The following DMC1 variants were observed in gnomAD, a reference collection of about 807,000 sequenced individuals.
DMC1 encodes DNA meiotic recombinase 1, also known as meiotic recombination protein DMC1 homolog.
A neutral mutation model predicts 50.1 loss-of-function variants in DMC1; 27 were observed. The observed-to-expected ratio is 0.54, with a 90% CI of 0.40 to 0.74. DMC1 has a LOEUF of 0.74. DMC1 is among the 30% of genes least tolerant of loss of function. The pLI, the probability that DMC1 is intolerant of heterozygous loss-of-function variation, is 0.00. For missense variants in DMC1, 295 were observed against 420.2 expected, an observed-to-expected ratio of 0.70 and a Z score of 2.60; for synonymous variants, 148 against 136.1, an observed-to-expected ratio of 1.09 and a Z score of -0.61.
At chr22:38,567,435 T>A in intron 3 of DMC1, 148 bp downstream of exon 3, 1 of 719,878 alleles carries the variant, frequency 1.4e-6, no homozygotes. Context: ...ATGCAGTGAG[T>A]GAGTAGAGGC....
chr22:38,559,504 G>A (rs989510404), intron 5 of DMC1, among the ~76,000 whole-genome samples: 17 of 152,126 alleles, frequency 1.1e-4, no homozygotes, highest in African/African-American at 4.1e-4. Context: ...GGATTTCACA[G>A]GCTAGTGTGC....
intron 5 of DMC1, among the ~76,000 whole-genome samples, chr22:38,557,434 G>A (rs1243422909): frequency 6.6e-6 from 1 of 152,114 alleles, no homozygotes; most frequent in Admixed American, 6.6e-5. Context: ...ATATGGGCAT[G>A]GTGGCTCATG....
rs2090029518 is a variant in DMC1, at chr22:38,521,656, C to T, written c.905G>A (p.Ser302Asn). The T allele has an allele frequency of 6.2e-7, 1 of 1,613,610 alleles. No homozygotes were observed. The highest frequency in any genetic ancestry group is 8.5e-7 in the Non-Finnish European group (1 of 1,179,804). The change falls in exon 13 of 14, where the codon AGC (serine) becomes AAC (asparagine). Residue 302 changes from serine to asparagine, a missense_variant. Coordinates refer to ENST00000216024, the MANE Select transcript of DMC1 (RefSeq NM_007068.4). ...GAGCTCTCCTCTTCCCTTTCGCAAGCTTATTCTTGTTGTTGAAGCATGAGC... is the reference window on the plus strand; with the variant it reads ...GAGCTCTCCTCTTCCCTTTCGCAAGTTTATTCTTGTTGTTGAAGCATGAGC... ...ILAHASTTRI[S>N]LRKGRGELRI...
intron 5 of DMC1, among the ~76,000 whole-genome samples, chr22:38,558,053 C>T (rs2145978167): frequency 6.8e-6 from 1 of 146,654 alleles, no homozygotes; most frequent in South Asian, 2.2e-4. Context: ...ACCTCTGCCT[C>T]CTGGATTCAA....
Position 38,566,669 on chromosome 22 carries a change from G to C in DMC1, c.164C>G (p.Thr55Arg). Residue 55 changes from threonine to arginine, a missense_variant, in exon 4 of 14, where the codon ACA (threonine) becomes AGA (arginine). Transcript: ENST00000216024. ...TTTGACATTGCATAGAGCTCTTCTT[G>C]TTGTCATCTGTATACCTTTGATGGT... is the stretch of plus-strand genomic sequence containing the variant. ...ICTIKGIQMT[T>R]RRALCNVKGL... 1 of 1,613,592 alleles carries C rather than the reference G, an allele frequency of 6.2e-7. No homozygotes were observed. Among genetic ancestry groups the C allele is most frequent in the Non-Finnish European group, 8.5e-7 (1 of 1,179,530 alleles).
rs377726457 is a variant in DMC1 at position 38,539,281 on chromosome 22, C to T, written c.586+40G>A. On this transcript the variant is annotated intron_variant, in intron 9 of 13. Transcript: ENST00000216024. ...CAAGTAGTAAATCAGTGCTGCCAACCTTACATTGACCCAAGCATCCAACTG... is the reference window on the plus strand; with the variant it reads ...CAAGTAGTAAATCAGTGCTGCCAACTTTACATTGACCCAAGCATCCAACTG... 8 of 1,454,784 alleles carry T rather than the reference C, an allele frequency of 5.5e-6. No homozygotes were observed. The African/African-American group carries it at 8.4e-5, about 15-fold the overall frequency. 90.1% of individuals were successfully genotyped at this position (1,454,784 alleles called of 1,614,324 possible).
At chr22:38,513,138 C>T in the DMC1 span, among the ~76,000 whole-genome samples, 1 of 151,678 alleles carries the variant, frequency 6.6e-6, no homozygotes, top group Admixed American at 6.6e-5. Flanking sequence ...ACTGCAGAAA[C>T]AGCCTGGGCA....
intron 13 of DMC1, among the ~76,000 whole-genome samples, chr22:38,520,388 G>T (rs753146481): frequency 1.3e-5 from 2 of 150,356 alleles, no homozygotes; most frequent in Non-Finnish European, 3.0e-5. Context: ...TTTTTTTGGC[G>T]AAGTCTTGCT....
chr22:38,539,720 A>G (rs567149124), intron 8 of DMC1, among the ~76,000 whole-genome samples: 1 of 152,350 alleles, frequency 6.6e-6, no homozygotes, highest in Non-Finnish European at 1.5e-5. Context: ...ACATTTTACA[A>G]CGTAAGACAC....
intron 4 of DMC1, among the ~76,000 whole-genome samples, chr22:38,565,793 C>T (rs2090575362): frequency 1.3e-5 from 2 of 152,214 alleles, no homozygotes; most frequent in African/African-American, 4.8e-5. Context: ...CTCAACTGCA[C>T]ATATGTAGAC....
intron 12 of DMC1, among the ~76,000 whole-genome samples, chr22:38,531,541 G>A (rs1569156125): frequency 6.6e-6 from 1 of 152,036 alleles, no homozygotes; most frequent in Non-Finnish European, 1.5e-5. Context: ...TTTTCTTTAT[G>A]GGAGGTTTCC....
At chr22:38,557,956 C>CTTTTTTTTTTGTTT (rs2090484787) in intron 5 of DMC1, among the ~76,000 whole-genome samples, 1 of 62,714 alleles carries the variant, frequency 1.6e-5, no homozygotes, top group Non-Finnish European at 3.0e-5. Context: ...AGACAAAGTT[C>CTTTTTTTTTTGTTT]TTTTTTTTTT....
intron 5 of DMC1, 84 bp downstream of exon 5, chr22:38,562,203 A>AAG: frequency 1.1e-6 from 1 of 901,078 alleles, no homozygotes; most frequent in Non-Finnish European, 1.8e-6. Context: ...TCTACTACTT[A>AAG]TAGTAGAAGT....
At chr22:38,509,286 C>G in the DMC1 span, among the ~76,000 whole-genome samples, 9 of 152,026 alleles carry the variant, frequency 5.9e-5, no homozygotes, top group Non-Finnish European at 1.0e-4. Context: ...GGCCCAGCAT[C>G]CGTTAGCTAT....
chr22:38,521,457 A>T, intron 13 of DMC1, 151 bp downstream of exon 13: 1 of 594,726 alleles, frequency 1.7e-6, no homozygotes, highest in Non-Finnish European at 3.1e-6. Context: ...TAGTCCCAGC[A>T]CTTTGGGAGC....
chr22:38,550,923 T>G (rs1341701700), intron 7 of DMC1, among the ~76,000 whole-genome samples: 3 of 70,726 alleles, frequency 4.2e-5, no homozygotes, highest in African/African-American at 2.0e-4. Flanking sequence ...AGATCAAGAC[T>G]CCATCTCAAA....
In DMC1 at chr22:38,539,381, G is replaced by A. The variant is rs745397961; in HGVS notation, c.526C>T (p.Arg176Cys). 35 of 1,613,844 alleles carry A rather than the reference G, an allele frequency of 2.2e-5. No individual in the cohort carries two copies. Among genetic ancestry groups the A allele is most frequent in the Non-Finnish European group, 2.9e-5 (34 of 1,179,922 alleles). ...ACTGCATCATGGTCTACATTAAAGC[G>A]ATCAGCAATGTCCCTAAGGCGATCT... Reference protein sequence around the residue: ...RPDRLRDIADRFNVDHDAVLD... With the variant: ...RPDRLRDIADCFNVDHDAVLD... The change falls in exon 9 of 14, where the codon CGC becomes TGC. Residue 176 changes from arginine to cysteine, a missense_variant. By Grantham distance (180) the Arg-to-Cys change is radical. Transcript: ENST00000216024.
chr22:38,566,552 C>A (rs745703570), intron 4 of DMC1, 38 bp downstream of exon 4: 21 of 1,612,614 alleles, frequency 1.3e-5, no homozygotes, highest in Non-Finnish European at 1.7e-5. Flanking sequence ...TCACAAGGCC[C>A]TGCCAAGCTA....
chr22:38,537,007 C>G (rs757388264), intron 12 of DMC1, among the ~76,000 whole-genome samples: 36 of 152,026 alleles, frequency 2.4e-4, no homozygotes, highest in South Asian at 2.1e-4. Context: ...CACGCCACCA[C>G]GCCCAGCTAA....
Sources: gnomAD v4.1 joint callset for allele counts (sites outside exome capture counted in the v4.1 genomes callset) on GRCh38, gnomAD v4.1.1 for gene constraint, MANE v1.5 for transcripts, NCBI Gene and HGNC (gene_info 2026-07-23, HGNC 2026-07-21) for gene names.